Variants in PTPRN observed in about 807,000 individuals in gnomAD.
PTPRN encodes the protein protein tyrosine phosphatase receptor type N.
Under a neutral mutation model 108.5 loss-of-function variants are expected in PTPRN, and 70 were observed. The observed-to-expected ratio is 0.65, with a 90% confidence interval of 0.53 to 0.79. The LOEUF is 0.79. PTPRN is among the 30% of genes least tolerant of loss of function. The pLI is 0.00. For missense variants in PTPRN, 1,136 were observed against 1,295.5 expected, an observed-to-expected ratio of 0.88 and a Z score of 1.89; for synonymous variants, 496 against 524.6, an observed-to-expected ratio of 0.95 and a Z score of 0.75.
intron 6 of PTPRN, 118 bp from the exon 7 acceptor site, chr2:219,301,837 G>C (rs993922866): frequency 1.6e-6 from 2 of 1,269,112 alleles, no homozygotes; most frequent in African/African-American, 3.0e-5. Context: ...CAGACACCAG[G>C]ACACCAAGAG....
At chr2:219,302,546 G>T (rs1952380376) in intron 5 of PTPRN, 30 bp downstream of exon 5, 2 of 1,612,848 alleles carry the variant, frequency 1.2e-6, no homozygotes, top group Non-Finnish European at 1.7e-6. Flanking sequence ...AGGGACTGCG[G>T]TTGGGGTGGG....
rs1952366454 is a variant in PTPRN, at chr2:219,302,197, A to T, written c.934T>A (p.Tyr312Asn). Reference sequence around the variant, plus strand: ...CGATCCCCTAGTCCTTCCTTCTCATAGCCCTCTGGGGAGTCCTCTGCCCGG... The same window carrying T: ...CGATCCCCTAGTCCTTCCTTCTCATTGCCCTCTGGGGAGTCCTCTGCCCGG... ...SSRAEDSPEG[Y>N]EKEGLGDRGE... Residue 312 changes from tyrosine (Y) to asparagine (N), a missense_variant, in exon 6 of 23, where the codon TAT becomes AAT. Tyr to Asn is a moderately radical substitution (Grantham distance 143). Transcript: ENST00000295718. 6.2e-7 allele frequency: 1 copy of T among 1,611,626 alleles called. No homozygotes were observed. Among genetic ancestry groups the T allele is most frequent in the African/African-American group, 1.3e-5 (1 of 74,878 alleles).
At position 219,300,099 on chromosome 2, in the gene PTPRN, G is replaced by T; in HGVS notation, c.1322C>A (p.Thr441Lys). The change falls in exon 9 of 23, where the codon ACA (threonine) becomes AAA (lysine). Residue 441 changes from threonine (T) to lysine (K), a missense_variant. Thr to Lys is a moderately conservative substitution (Grantham distance 78). Coordinates refer to ENST00000295718, the MANE Select transcript of PTPRN (RefSeq NM_002846.4). Reference protein sequence around the residue: ...EPPKAARPPVTPVLLEKKSPL... With the variant: ...EPPKAARPPVKPVLLEKKSPL... ...GCTTTTCTTCTCTAGCAGGACAGGT[G>T]TCACAGGGGGTCTGGCAGCTTTGGG... 1 of 1,614,188 alleles carries T rather than the reference G, an allele frequency of 6.2e-7. No homozygotes were observed. Among genetic ancestry groups the T allele is most frequent in the Non-Finnish European group, 8.5e-7 (1 of 1,180,006 alleles).
chr2:219,304,794 A>T (rs1018622808), intron 3 of PTPRN, among the ~76,000 whole-genome samples: 1 of 152,160 alleles, frequency 6.6e-6, no homozygotes, highest in African/African-American at 2.4e-5. Context: ...TCTCTACTGA[A>T]TTATTCACAT....
chr2:219,290,982 G>A lies in PTPRN; in HGVS notation c.2730-92C>T. The stretch of plus-strand genomic sequence containing the variant: ...GAGGAGGCCTGGAGGCCTGGGGGAG[G>A]GGAGGACACTGGGTGACCCGTTGGG... On this transcript the variant is annotated intron_variant, in intron 20 of 22. Transcript: ENST00000295718. This position sits in a 1 kb window ranked among gnomAD's most constrained non-coding sequence, Gnocchi z 4.2. 6 of 1,282,592 alleles carry A rather than the reference G, an allele frequency of 4.7e-6. No homozygotes were observed. In the South Asian group the frequency reaches 7.2e-5, roughly 15 times the overall value. The allele number at this position is 1,282,592 out of a possible 1,614,324, so 79.5% of individuals were successfully genotyped here.
chr2:219,309,247 G>T lies in PTPRN; in HGVS notation c.86C>A (p.Pro29Gln). Residue 29 changes from proline (P) to glutamine (Q), a missense_variant, in exon 1 of 23, where the codon CCG becomes CAG. Coordinates refer to ENST00000295718, the MANE Select transcript of PTPRN (RefSeq NM_002846.4). ...GGCACTAACGGCGCTGCAGCCCCCC[G>T]GGCGGCTGCTCAGCAGCAGGAGGCA... ...LLCLLLLSSRPGGCSAVSAHG... is the reference protein window; with the variant it reads ...LLCLLLLSSRQGGCSAVSAHG... 7.8e-7 allele frequency: 1 copy of T among 1,285,690 alleles called. No individual in the cohort carries two copies. The highest frequency in any genetic ancestry group is 1.2e-5 in the South Asian group (1 of 80,444). The allele number at this position is 1,285,690 out of a possible 1,614,324, so 79.6% of individuals were successfully genotyped here.
At chr2:219,295,297 C>T (rs937902592) in intron 18 of PTPRN, 156 bp from the exon 19 acceptor site, 102 of 725,992 alleles carry the variant, frequency 1.4e-4, no homozygotes, top group Non-Finnish European at 2.0e-4. Context: ...ACCCTGGCTG[C>T]CTGTCACTTA....
intron 18 of PTPRN, chr2:219,295,470 T>G (rs1206111925): frequency 4.4e-6 from 1 of 227,774 alleles, no homozygotes; most frequent in Non-Finnish European, 8.5e-6. Context: ...TTACTGGATT[T>G]TTTTCGTTAA....
chr2:219,302,921 A>G, intron 4 of PTPRN, 84 bp from the exon 5 acceptor site: 1 of 1,401,104 alleles, frequency 7.1e-7, no homozygotes, highest in Non-Finnish European at 9.6e-7. Flanking sequence ...GGGGCCAGGC[A>G]GGCTCAGCGG....
At chr2:219,307,223 C>A in intron 3 of PTPRN, 1 of 469,940 alleles carries the variant, frequency 2.1e-6, no homozygotes, top group Non-Finnish European at 3.8e-6. Context: ...GGAAGCTGGC[C>A]TTTTCCAGTG....
At position 219,302,589 on chromosome 2, in the gene PTPRN, T is replaced by G; in HGVS notation, c.626A>C (p.Tyr209Ser). The G allele has an allele frequency of 1.2e-6, 2 of 1,613,830 alleles. No homozygotes were observed. Among genetic ancestry groups the G allele is most frequent in the Non-Finnish European group, 1.7e-6 (2 of 1,179,894 alleles). The change falls in exon 5 of 23, where the codon TAC becomes TCC. Residue 209 changes from tyrosine to serine, a missense_variant. Transcript: ENST00000295718. ...TCAAGGACTTACCTGGTGGAACAGG[T>G]AGGGCTGCAGCAAGGCAGGTTCGTA... ...LSYEPALLQP[Y>S]LFHQFGSRDG...
chr2:219,293,543 A>G (rs1280170254), intron 19 of PTPRN, among the ~76,000 whole-genome samples: 4 of 152,228 alleles, frequency 2.6e-5, no homozygotes, highest in Admixed American at 6.5e-5. Flanking sequence ...CTGAGTTTAC[A>G]TAATTCCAGC....
At chr2:219,306,518 T>C (rs1273759386) in intron 3 of PTPRN, among the ~76,000 whole-genome samples, 6 of 152,236 alleles carry the variant, frequency 3.9e-5, no homozygotes, top group Non-Finnish European at 7.3e-5. Context: ...AAAGTGATGC[T>C]TGTCAAGTGT....
At chr2:219,299,941 C>T in intron 9 of PTPRN, 44 bp downstream of exon 9, 2 of 1,608,878 alleles carry the variant, frequency 1.2e-6, no homozygotes, top group Non-Finnish European at 1.7e-6. Context: ...CAGGCCAGCC[C>T]AAATCCTAGC....
chr2:219,308,834 C>T, intron 1 of PTPRN: 1 of 1,312,558 alleles, frequency 7.6e-7, no homozygotes, highest in Non-Finnish European at 1.0e-6. Flanking sequence ...ACCGTTCCCT[C>T]ATTCTCCCCG....
intron 3 of PTPRN, among the ~76,000 whole-genome samples, chr2:219,305,521 G>A (rs1952461634): frequency 6.6e-6 from 1 of 152,174 alleles, no homozygotes; most frequent in African/African-American, 2.4e-5. Context: ...GATTATAGGT[G>A]TGAGCCACTA....
rs1232421196 is a variant in PTPRN at position 219,302,317 on chromosome 2, G to C, written c.814C>G (p.Leu272Val). The C allele has an allele frequency of 6.2e-7, 1 of 1,613,956 alleles. No individual in the cohort carries two copies. The highest frequency in any genetic ancestry group is 8.5e-7 in the Non-Finnish European group (1 of 1,179,894). Residue 272 changes from leucine (L) to valine (V), a missense_variant, in exon 6 of 23, where the codon CTT (leucine) becomes GTT (valine). Transcript: ENST00000295718. ...GDLPGPSPAQ[L>V]FQDSGLLYLA... ...TAGAGCAGCCCAGAGTCTTGAAAAA[G>C]CTGGGCAGGTGAAGGCCCTGGAAGG...
rs1463353530 is a variant in PTPRN at position 219,297,726 on chromosome 2, TA to T, written c.1887+158del. 6.6e-6 allele frequency among the ~76,000 whole-genome samples: 1 copy of T among 152,140 alleles called. No individual in the cohort carries two copies. The highest frequency in any genetic ancestry group is 2.4e-5 in the African/African-American group (1 of 41,422). Reference sequence around the variant, plus strand: ...ATTCCCATGCGTTCATAAAGGCCCCTACCATACTCCCTCCCACTGGGGCTTC... The same window carrying T: ...ATTCCCATGCGTTCATAAAGGCCCCTCCATACTCCCTCCCACTGGGGCTTC... On this transcript the variant is annotated intron_variant, in intron 13 of 22. Coordinates refer to ENST00000295718, the MANE Select transcript of PTPRN (RefSeq NM_002846.4). The surrounding 1 kb of genome is among the most constrained non-coding windows in gnomAD (Gnocchi z 6.0).
intron 8 of PTPRN, 57 bp downstream of exon 8, chr2:219,300,886 G>T (rs1003109948): frequency 1.3e-6 from 2 of 1,581,486 alleles, no homozygotes; most frequent in Non-Finnish European, 1.7e-6. Context: ...TTTAGGTTTG[G>T]CAAGGGGGCG....
Sources: gnomAD v4.1 joint callset for allele counts (sites outside exome capture counted in the v4.1 genomes callset) on GRCh38, gnomAD v4.1.1 for gene constraint, Gnocchi (gnomAD v3.1) non-coding constraint, MANE v1.5 for transcripts, NCBI Gene and HGNC (gene_info 2026-07-23, HGNC 2026-07-21) for gene names.